Variants in CD36 observed in about 807,000 individuals in gnomAD.
CD36 encodes CD36 molecule (CD36 blood group).
Under a neutral mutation model 55.2 loss-of-function variants are expected in CD36, and 119 were observed. The ratio of observed to expected loss-of-function variants is 2.15; its 90% CI spans 1.86 to 2.51. The LOEUF is 2.51. Ranked by LOEUF, CD36 falls within the 30% of genes most tolerant of loss-of-function variation. CD36 has a pLI of 0.00. For missense variants in CD36, 819 were observed against 555.5 expected (o/e 1.47, Z -4.77); for synonymous variants, 186 against 193.6 (o/e 0.96, Z 0.33).
chr7:80,617,167 A>G (rs1485436340), intron 1 of CD36, among the ~76,000 whole-genome samples: 3 of 152,164 alleles, frequency 2.0e-5, no homozygotes, highest in Middle Eastern at 3.2e-3. Context: ...CATGAGTTCA[A>G]TTTTTGAAAA....
chr7:80,626,790 G>T (rs747156586), intron 1 of CD36, among the ~76,000 whole-genome samples: 5 of 152,022 alleles, frequency 3.3e-5, no homozygotes, highest in Non-Finnish European at 7.4e-5. Context: ...ACCTTTGTTT[G>T]AGTATTTGTT....
Position 80,651,185 on chromosome 7 carries a change from T to G in CD36, c.120+4325T>G, listed in dbSNP as rs541519247. On this transcript the variant is annotated intron_variant, in intron 3 of 14. Coordinates refer to ENST00000447544, the MANE Select transcript of CD36 (RefSeq NM_001001548.3). Reference sequence around the variant, plus strand: ...TCACTTGTAAGTAGGAGCTAAATATTGAATACACGTGGATATAAAGAAGGG... The same window carrying G: ...TCACTTGTAAGTAGGAGCTAAATATGGAATACACGTGGATATAAAGAAGGG... Among the ~76,000 whole-genome samples the G allele has an allele frequency of 5.9e-5, 9 of 152,168 alleles. No homozygotes were observed. In the South Asian group the frequency reaches 1.9e-3, roughly 32 times the overall value.
chr7:80,612,150 A>C (rs942428068), intron 1 of CD36, among the ~76,000 whole-genome samples: 1 of 152,182 alleles, frequency 6.6e-6, no homozygotes, highest in Non-Finnish European at 1.5e-5. Flanking sequence ...AAACGTGCAC[A>C]CCTGAAATCC....
chr7:80,659,359 A>G (rs184292049), intron 4 of CD36, among the ~76,000 whole-genome samples: 11 of 152,316 alleles, frequency 7.2e-5, no homozygotes, highest in African/African-American at 1.7e-4. Flanking sequence ...TCAAAGCACG[A>G]AATTGCTTGG....
rs865776408 is a variant in CD36, at chr7:80,603,455, T to A, written c.-184+1076T>A. Among the ~76,000 whole-genome samples the A allele has an allele frequency of 5.9e-5, 9 of 152,266 alleles. No homozygotes were observed. In the Middle Eastern group the frequency reaches 0.02, roughly 345 times the overall value. On this transcript the variant is annotated intron_variant, in intron 1 of 13. Coordinates refer to the CD36 transcript ENST00000309881. ...TGACACTCCTTGAGAGAACTCACAATTCAGATGGGATCTCTATCTCAAAGA... is the reference window on the plus strand; with the variant it reads ...TGACACTCCTTGAGAGAACTCACAAATCAGATGGGATCTCTATCTCAAAGA...
intron 6 of CD36, 32 bp downstream of exon 6, chr7:80,663,201 A>G: frequency 6.5e-7 from 1 of 1,544,218 alleles, no homozygotes; most frequent in Non-Finnish European, 9.0e-7. Context: ...CAATATTATT[A>G]CATTTTAATT....
Position 80,617,126 on chromosome 7 carries a change from A to G in CD36, c.-184+14747A>G, listed in dbSNP as rs144571718. Among the ~76,000 whole-genome samples the G allele has an allele frequency of 6.9e-3, 1,055 of 152,200 alleles. 15 individuals carry two copies. Among genetic ancestry groups the G allele is most frequent in the African/African-American group, 0.024 (984 of 41,534 alleles). ...GATGAGGTGGAAAGAGTGGAAGTAA[A>G]TTCTGTCATAGTAGGTCCTATTCTA... On this transcript the variant is annotated intron_variant, in intron 1 of 13. Transcript: ENST00000309881.
intron 5 of CD36, 30 bp from the exon 6 acceptor site, chr7:80,662,960 T>TTAA: frequency 6.5e-7 from 1 of 1,546,076 alleles, no homozygotes; most frequent in Non-Finnish European, 8.9e-7. Context: ...TATTGTATTC[T>TTAA]TGTCTTAAAC....
chr7:80,655,657 A>T (rs930776369), intron 3 of CD36, among the ~76,000 whole-genome samples: 3 of 152,144 alleles, frequency 2.0e-5, no homozygotes, highest in African/African-American at 7.2e-5. Context: ...TTGCAAATAT[A>T]TTGAAAGTTA....
chr7:80,671,840 A>G, intron 10 of CD36, 82 bp from the exon 11 acceptor site: 1 of 1,248,658 alleles, frequency 8.0e-7, no homozygotes, highest in South Asian at 1.2e-5. Context: ...AAGAAGCTTT[A>G]GTTTTGTGGA....
chr7:80,660,216 A>AC (rs1562805573), intron 4 of CD36, among the ~76,000 whole-genome samples: 1 of 151,988 alleles, frequency 6.6e-6, no homozygotes, highest in Non-Finnish European at 1.5e-5. Context: ...TGTAATAATC[A>AC]CCCTTCACCG....
At chr7:80,664,560 C>A in intron 7 of CD36, 63 bp downstream of exon 7, 1 of 893,872 alleles carries the variant, frequency 1.1e-6, no homozygotes, top group Non-Finnish European at 1.9e-6. Flanking sequence ...GAATAGTATT[C>A]ATTTAACATC....
At chr7:80,637,995 A>T (rs1317884468), upstream of CD36, among the ~76,000 whole-genome samples, 1 of 152,030 alleles carries the variant, frequency 6.6e-6, no homozygotes, top group Non-Finnish European at 1.5e-5. Context: ...AAGAAATTTA[A>T]AGAGTTTATT....
intron 13 of CD36, chr7:80,673,762 T>A (rs1797965018): frequency 1.7e-6 from 1 of 589,720 alleles, no homozygotes. Flanking sequence ...CCTTTGATAG[T>A]TCTGAAGAGC....
Position 80,674,148 on chromosome 7 carries a change from G to T in CD36, c.*1G>T, listed in dbSNP as rs1203835874. 3 of 1,558,170 alleles carry T rather than the reference G, an allele frequency of 1.9e-6. No individual in the cohort carries two copies. Among genetic ancestry groups the T allele is most frequent in the Middle Eastern group, 1.7e-4 (1 of 5,940 alleles). ...ATGCAGATCGAAAACAATAAAATAA[G>T]TAAGTATGTACCAAAAAATATTGCT... On this transcript the variant is annotated splice_donor_variant, in intron 14 of 14. Transcript: ENST00000447544. LOFTEE classifies it low-confidence loss of function (3UTR_SPLICE).
intron 12 of CD36, 87 bp downstream of exon 12, chr7:80,672,930 A>C (rs1206790661): frequency 2.3e-6 from 2 of 856,840 alleles, no homozygotes; most frequent in Non-Finnish European, 3.9e-6. Context: ...TATGTAAGTA[A>C]GTGGAAATAA....
At chr7:80,642,851 C>A (rs902347246) in intron 1 of CD36, among the ~76,000 whole-genome samples, 1 of 152,096 alleles carries the variant, frequency 6.6e-6, no homozygotes, top group Non-Finnish European at 1.5e-5. Flanking sequence ...TGTATATCAT[C>A]CTGACCAATG....
chr7:80,603,172 C>T (rs941689432), intron 1 of CD36, among the ~76,000 whole-genome samples: 5 of 151,896 alleles, frequency 3.3e-5, no homozygotes, highest in African/African-American at 1.2e-4. Flanking sequence ...ATGACAGAGT[C>T]GTTACTTATA....
intron 1 of CD36, among the ~76,000 whole-genome samples, chr7:80,640,734 C>T (rs897284350): frequency 2.0e-5 from 3 of 151,978 alleles, no homozygotes; most frequent in African/African-American, 7.2e-5. Context: ...CTACAGTAAT[C>T]CCTGGTTCAT....
Sources: gnomAD v4.1 joint callset for allele counts (sites outside exome capture counted in the v4.1 genomes callset) on GRCh38, gnomAD v4.1.1 for gene constraint, MANE v1.5 for transcripts, NCBI Gene and HGNC (gene_info 2026-07-23, HGNC 2026-07-21) for gene names.